TAT: variants seen among roughly 807,000 people sequenced by gnomAD.
TAT encodes tyrosine aminotransferase, also known as L-tyrosine:2-oxoglutarate aminotransferase.
TAT carries 35 observed loss-of-function variants against 53.6 expected under a neutral mutation model. The observed-to-expected ratio is 0.65, with a 90% CI of 0.50 to 0.87. The LOEUF (loss-of-function observed/expected upper bound fraction) is 0.87. Among genes scored for constraint, TAT ranks in the 40% least tolerant of loss-of-function variants. The probability of loss-of-function intolerance (pLI) is 0.00; values close to 1 mark genes in which losing one functional copy is unlikely to be tolerated. For synonymous variants in TAT, 197 were observed against 206.5 expected (o/e 0.95, Z 0.39); for missense variants, 525 against 571.8 (o/e 0.92, Z 0.83).
In TAT at chr16:71,572,290, A is replaced by G; in HGVS notation, c.602T>C (p.Leu201Pro). 1 of 1,614,232 alleles carries G rather than the reference A, an allele frequency of 6.2e-7. No homozygotes were observed. Among genetic ancestry groups the G allele is most frequent in the Non-Finnish European group, 8.5e-7 (1 of 1,180,026 alleles). ...EKSWEIDLKQ[L>P]EYLIDEKTAC... is the part of the protein sequence containing the mutation. ...TGTCTTTTCATCAATTAGATATTCC[A>G]GTTGTTTCAGGTCAATTTCCCAAGA... The change falls in exon 6 of 12, where the codon CTG becomes CCG. Residue 201 changes from leucine to proline, a missense_variant. By Grantham distance (98) the Leu-to-Pro change is moderately conservative. Coordinates refer to ENST00000355962, the MANE Select transcript of TAT (RefSeq NM_000353.3).
chr16:71,576,016 A>T lies in TAT; in HGVS notation c.246T>A (p.Thr82=). The change falls in exon 3 of 12, where the codon ACT becomes ACA. Residue 82 remains threonine (T), a synonymous_variant. Transcript: ENST00000355962. ...TMISLSIGDP[T]VFGNLPTDPE... Reference sequence around the variant, plus strand: ...GGTCTGTAGGCAGGTTTCCAAACACAGTAGGGTCCCCTTTTTATGGGAGGA... The same window carrying T: ...GGTCTGTAGGCAGGTTTCCAAACACTGTAGGGTCCCCTTTTTATGGGAGGA... 6.2e-7 allele frequency: 1 copy of T among 1,614,136 alleles called. No homozygotes were observed. Among genetic ancestry groups the T allele is most frequent in the East Asian group, 2.2e-5 (1 of 44,884 alleles).
intron 3 of TAT, 108 bp from the exon 4 acceptor site, chr16:71,573,714 T>C: frequency 1.0e-6 from 1 of 985,394 alleles, no homozygotes; most frequent in Non-Finnish European, 1.6e-6. Context: ...CACTGCGGCC[T>C]CAAATTCCTG....
chr16:71,575,720 GCC>G (rs2044230231), intron 3 of TAT, 200 bp downstream of exon 3: 3 of 630,360 alleles, frequency 4.8e-6, no homozygotes, highest in Non-Finnish European at 8.5e-6. Context: ...GTCAAAGAAA[GCC>G]AGGAAAGAAG....
rs2044232036 is a variant in TAT at position 71,575,942 on chromosome 16, T to C, written c.320A>G (p.Asn107Ser). 1.9e-6 allele frequency: 3 copies of C among 1,614,168 alleles called. No homozygotes were observed. The highest frequency in any genetic ancestry group is 2.5e-6 in the Non-Finnish European group (3 of 1,180,014). The change falls in exon 3 of 12, where the codon AAT becomes AGT. Residue 107 changes from asparagine to serine, a missense_variant. Transcript: ENST00000355962. ...MKDALDSGKY[N>S]GYAPSIGFLS... ...CTTACCGATGGATGGGGCATAGCCA[T>C]TATATTTGCCCGAGTCCAGGGCATC... is the stretch of plus-strand genomic sequence containing the variant.
chr16:71,576,962 C>G, intron 1 of TAT, 47 bp downstream of exon 1: 1 of 173,422 alleles, frequency 5.8e-6, no homozygotes, highest in Non-Finnish European at 1.2e-5. Flanking sequence ...AAATTAACAG[C>G]TCAATCAGTC....
chr16:71,568,711 C>A lies in TAT; in HGVS notation c.1224G>T (p.Thr408=). The A allele has an allele frequency of 6.2e-7, 1 of 1,612,650 alleles. No homozygotes were observed. The highest frequency in any genetic ancestry group is 8.5e-7 in the Non-Finnish European group (1 of 1,179,086). Residue 408 remains threonine (T), a splice_region_variant and synonymous_variant, in exon 11 of 12, where the codon ACG becomes ACT. Coordinates refer to ENST00000355962, the MANE Select transcript of TAT (RefSeq NM_000353.3). ...TGTCCTGAGGGACACAGGCACCCAC[C>A]GTTGCTGGGAGGCAGTGGACAGACT... The part of the protein sequence containing the change: ...AEQSVHCLPA[T]CFEYPNFIRV...
Position 71,567,971 on chromosome 16 carries a change from G to A in TAT, c.*173C>T. The A allele has an allele frequency of 2.8e-6, 2 of 706,640 alleles. No individual in the cohort carries two copies. The highest frequency in any genetic ancestry group is 4.2e-5 in the Admixed American group (2 of 47,508). The allele number at this position is 706,640 out of a possible 1,614,324, so 43.8% of individuals were successfully genotyped here. ...GAGAATCTGCGATGTGAATGAGGAG[G>A]ATCTGAGTGTGGGTGTGGTTGTACT... On this transcript the variant is annotated 3_prime_UTR_variant, in exon 12 of 12. Coordinates refer to ENST00000355962, the MANE Select transcript of TAT (RefSeq NM_000353.3).
At chr16:71,574,441 C>T (rs2044223502) in intron 3 of TAT, among the ~76,000 whole-genome samples, 1 of 152,012 alleles carries the variant, frequency 6.6e-6, no homozygotes, top group Admixed American at 6.5e-5. Context: ...ATTAGCTGGG[C>T]ATTGTGGCGC....
At chr16:71,568,323 G>T in intron 11 of TAT, 39 bp from the exon 12 acceptor site, 2 of 1,610,860 alleles carry the variant, frequency 1.2e-6, no homozygotes, top group Non-Finnish European at 1.7e-6. Flanking sequence ...GAGCAATTGA[G>T]TCTGGTACTG....
At chr16:71,572,355 G>C in intron 5 of TAT, 31 bp from the exon 6 acceptor site, 1 of 1,613,972 alleles carries the variant, frequency 6.2e-7, no homozygotes, top group East Asian at 2.2e-5. Context: ...AGACTAAGAT[G>C]ATTCTGAAAC....
chr16:71,571,809 CA>C, intron 6 of TAT, 151 bp from the exon 7 acceptor site: 1 of 824,810 alleles, frequency 1.2e-6, no homozygotes. Flanking sequence ...GTGTGATTTG[CA>C]TTTCATGTTT....
At chr16:71,571,931 C>T (rs958794695) in intron 6 of TAT, 10 of 624,140 alleles carry the variant, frequency 1.6e-5, no homozygotes, top group South Asian at 5.9e-5. Flanking sequence ...CTATCTTCAA[C>T]GTGATGGGAG....
Position 71,575,853 on chromosome 16 carries a change from A to AT in TAT, c.340+68dup, listed in dbSNP as rs780939640. On this transcript the variant is annotated intron_variant, in intron 3 of 11. Transcript: ENST00000355962. ...AGGAAAGTGAAGAGGATTGCTAGACATTTAGTCCTGTTATAAGAGCACTAA... is the reference window on the plus strand; with the variant it reads ...AGGAAAGTGAAGAGGATTGCTAGACATTTTAGTCCTGTTATAAGAGCACTAA... 7.2e-6 allele frequency: 10 copies of AT among 1,396,826 alleles called. No individual in the cohort carries two copies. In the South Asian group the frequency reaches 1.0e-4, roughly 14 times the overall value. 86.5% of individuals were successfully genotyped at this position (1,396,826 alleles called of 1,614,324 possible). A position where few individuals can be genotyped will look rare whatever the true frequency, so the allele number is the denominator to read the frequency against.
rs1440832139 is a variant in TAT, at chr16:71,566,522, GC to G, written c.*1621del. The G allele has an allele frequency of 2.0e-5, 3 of 147,568 alleles. No individual in the cohort carries two copies. The highest frequency in any genetic ancestry group is 7.5e-5 in the African/African-American group (3 of 39,964). 9.1% of individuals were successfully genotyped at this position (147,568 alleles called of 1,614,324 possible). A position where few individuals can be genotyped will look rare whatever the true frequency, so the allele number is the denominator to read the frequency against. ...GGACACTTCTCATTCACTGGGTCAA[GC>G]CAGAGCCATCAACTTTGTGACCTAG... is the stretch of plus-strand genomic sequence containing the variant. On this transcript the variant is annotated 3_prime_UTR_variant, in exon 12 of 12. Coordinates refer to ENST00000355962, the MANE Select transcript of TAT (RefSeq NM_000353.3).
In TAT at chr16:71,572,581, G is replaced by A; in HGVS notation, c.516C>T (p.Tyr172=). 2.5e-6 allele frequency: 4 copies of A among 1,614,198 alleles called. No individual in the cohort carries two copies. Among genetic ancestry groups the A allele is most frequent in the Non-Finnish European group, 3.4e-6 (4 of 1,180,032 alleles). The change falls in exon 5 of 12, where the codon TAC becomes TAT. Residue 172 remains tyrosine, a synonymous_variant. Coordinates refer to ENST00000355962, the MANE Select transcript of TAT (RefSeq NM_000353.3). Reference sequence around the variant, plus strand: ...TTCCCATAGACTCAGCCAGAGTCTTGTAGAGAGAGAAACCAGGTCTTGGAA... The same window carrying A: ...TTCCCATAGACTCAGCCAGAGTCTTATAGAGAGAGAAACCAGGTCTTGGAA... ...ILVPRPGFSL[Y]KTLAESMGIE...
At position 71,576,223 on chromosome 16, in the gene TAT, C is replaced by T. The variant is rs1325757098; in HGVS notation, c.193G>A (p.Val65Met). Residue 65 changes from valine to methionine, a missense_variant, in exon 2 of 12, where the codon GTG (valine) becomes ATG (methionine). By Grantham distance (21) the Val-to-Met change is conservative. Coordinates refer to ENST00000355962, the MANE Select transcript of TAT (RefSeq NM_000353.3). The part of the protein sequence containing the change: ...PIRAIVDNMK[V>M]KPNPNKTMIS... ...ATGGTTTTGTTTGGATTTGGTTTCA[C>T]CTTCATGTTGTCCACAATGGCTCGG... 3.7e-6 allele frequency: 6 copies of T among 1,614,052 alleles called. No homozygotes were observed. In the Admixed American group the frequency reaches 1.0e-4, roughly 27 times the overall value.
At chr16:71,568,631 T>G in intron 11 of TAT, 80 bp downstream of exon 11, 1 of 1,064,806 alleles carries the variant, frequency 9.4e-7, no homozygotes, top group Non-Finnish European at 1.4e-6. Flanking sequence ...GGAGAAAAGA[T>G]CAGGCTAAAA....
intron 3 of TAT, among the ~76,000 whole-genome samples, chr16:71,574,379 G>A (rs946613335): frequency 6.6e-6 from 1 of 152,038 alleles, no homozygotes; most frequent in African/African-American, 2.4e-5. Context: ...TCGGGAGATT[G>A]AGACCAGTCT....
chr16:71,571,934 G>A (rs1057117558), intron 6 of TAT: 36 of 623,770 alleles, frequency 5.8e-5, no homozygotes, highest in Non-Finnish European at 7.6e-5. Context: ...TCTTCAACGT[G>A]ATGGGAGTGA....
Sources: allele counts gnomAD v4.1 joint callset (sites outside exome capture counted in the v4.1 genomes callset), GRCh38; gene constraint gnomAD v4.1.1; transcripts MANE v1.5; gene names NCBI Gene and HGNC (gene_info 2026-07-23, HGNC 2026-07-21).